Variants in MSANTD1 observed in about 807,000 individuals in gnomAD.
MSANTD1 encodes the protein myb/SANT-like DNA-binding domain-containing protein 1.
A neutral mutation model predicts 24.2 loss-of-function variants in MSANTD1; 7 were observed. The ratio of observed to expected loss-of-function variants is 0.29; its 90% CI spans 0.16 to 0.54. The LOEUF (loss-of-function observed/expected upper bound fraction) is 0.54. Among genes scored for constraint, MSANTD1 ranks in the 20% least tolerant of loss-of-function variants. MSANTD1 has a pLI of 0.94. For synonymous variants in MSANTD1, 177 were observed against 181.1 expected, an observed-to-expected ratio of 0.98 and a Z score of 0.18; for missense variants, 384 against 408.2, an observed-to-expected ratio of 0.94 and a Z score of 0.51.
intron 1 of MSANTD1, 81 bp downstream of exon 1, chr4:3,249,623 T>A: frequency 7.3e-7 from 1 of 1,369,686 alleles, no homozygotes; most frequent in Non-Finnish European, 1.0e-6. Context: ...CTTGGAGCTC[T>A]GAGTCGGGAC....
intron 2 of MSANTD1, among the ~76,000 whole-genome samples, chr4:3,255,074 G>C (rs575195285): frequency 6.6e-6 from 1 of 152,274 alleles, no homozygotes; most frequent in Non-Finnish European, 1.5e-5. Flanking sequence ...AGTTTGGTGG[G>C]TGAAGGGTGC....
At chr4:3,249,111 A>G (rs1203053590), upstream of MSANTD1, 4 of 997,712 alleles carry the variant, frequency 4.0e-6, no homozygotes, top group East Asian at 1.3e-4. Flanking sequence ...ACGTGACATC[A>G]AAATGACGTT....
rs980104297 is a variant in MSANTD1 at position 3,256,037 on chromosome 4, C to T, written c.*72C>T. 7.1e-7 allele frequency: 1 copy of T among 1,411,678 alleles called. No homozygotes were observed. The highest frequency in any genetic ancestry group is 3.1e-5 in the Admixed American group (1 of 32,748). 87.4% of individuals were successfully genotyped at this position (1,411,678 alleles called of 1,614,324 possible). On this transcript the variant is annotated 3_prime_UTR_variant, in exon 3 of 3. Coordinates refer to ENST00000438480, the MANE Select transcript of MSANTD1 (RefSeq NM_001042690.2). ...CTCAGGCCACCCAGGGCAGGCCACT[C>T]AGGCCAGGCGGGCAAGGGGGCCGCC... is the stretch of plus-strand genomic sequence containing the variant.
At chr4:3,250,686 C>T (rs928657044) in intron 1 of MSANTD1, among the ~76,000 whole-genome samples, 3 of 152,128 alleles carry the variant, frequency 2.0e-5, no homozygotes, top group Non-Finnish European at 4.4e-5. Flanking sequence ...CTGGGGCTGC[C>T]GGAGAGCCTG....
At chr4:3,247,941 C>G (rs1486328177), upstream of MSANTD1, 1 of 152,318 alleles carries the variant, frequency 6.6e-6, no homozygotes, top group Non-Finnish European at 1.5e-5. Context: ...CCTCCTCATT[C>G]CAGGCTCAGC....
Position 3,249,209 on chromosome 4 carries a change from G to A in MSANTD1, c.-14G>A, listed in dbSNP as rs1364510770. 2.3e-5 allele frequency: 32 copies of A among 1,379,930 alleles called. No homozygotes were observed. The highest frequency in any genetic ancestry group is 5.2e-5 in the South Asian group (3 of 57,994). The allele number at this position is 1,379,930 out of a possible 1,614,324, so 85.5% of individuals were successfully genotyped here. On this transcript the variant is annotated 5_prime_UTR_variant, in exon 1 of 3. Coordinates refer to ENST00000438480, the MANE Select transcript of MSANTD1 (RefSeq NM_001042690.2). Reference sequence around the variant, plus strand: ...GAGCTGCCTTCGAGCGAGCGTGAGCGGCGCCTCCCGCCCATGGTGCGTGGG... The same window carrying A: ...GAGCTGCCTTCGAGCGAGCGTGAGCAGCGCCTCCCGCCCATGGTGCGTGGG...
upstream of MSANTD1, chr4:3,248,564 A>C (rs1722108592): frequency 6.6e-6 from 1 of 152,330 alleles, no homozygotes; most frequent in East Asian, 1.9e-4. Flanking sequence ...GGCTCTGACC[A>C]ACCCGGGCTT....
chr4:3,253,069 T>G, intron 1 of MSANTD1, 138 bp from the exon 2 acceptor site: 4 of 817,152 alleles, frequency 4.9e-6, no homozygotes, highest in Non-Finnish European at 5.5e-6. Flanking sequence ...GCCTGGCCGA[T>G]TTTGCTGGGG....
upstream of MSANTD1, chr4:3,244,743 C>T (rs1425461734): frequency 6.6e-6 from 1 of 152,290 alleles, no homozygotes; most frequent in Non-Finnish European, 1.5e-5. Flanking sequence ...TCAATGTTTG[C>T]TGAGGTCCCG....
intron 1 of MSANTD1, 94 bp downstream of exon 1, chr4:3,249,636 T>C (rs1321538043): frequency 1.6e-6 from 2 of 1,273,092 alleles, no homozygotes; most frequent in African/African-American, 2.9e-5. Context: ...GTCGGGACGA[T>C]GTGTGGGTCG....
intron 1 of MSANTD1, among the ~76,000 whole-genome samples, chr4:3,251,073 C>T (rs1021860429): frequency 4.6e-5 from 7 of 152,216 alleles, no homozygotes; most frequent in African/African-American, 7.2e-5. Context: ...TGGGTTTGAG[C>T]GGCTGGCTTG....
chr4:3,246,442 A>AG, upstream of MSANTD1: 2 of 426,536 alleles, frequency 4.7e-6, no homozygotes, highest in Non-Finnish European at 8.3e-6. Context: ...GCAGGATGAG[A>AG]GTCTAGTTGG....
At chr4:3,249,875 G>A (rs949868514) in intron 1 of MSANTD1, among the ~76,000 whole-genome samples, 3 of 152,142 alleles carry the variant, frequency 2.0e-5, no homozygotes, top group South Asian at 2.1e-4. Context: ...ACTGTCCCTC[G>A]GAGGCAGCAA....
chr4:3,252,168 A>C (rs961657396), intron 1 of MSANTD1, among the ~76,000 whole-genome samples: 1 of 152,214 alleles, frequency 6.6e-6, no homozygotes, highest in Non-Finnish European at 1.5e-5. Context: ...GGGAGTGGGC[A>C]CTGGGCCTTA....
intron 1 of MSANTD1, 47 bp downstream of exon 1, chr4:3,249,589 G>T: frequency 6.5e-7 from 1 of 1,527,054 alleles, no homozygotes; most frequent in Non-Finnish European, 8.9e-7. Flanking sequence ...GCGGGCCCGG[G>T]CGTGGCGGGC....
chr4:3,252,444 G>C (rs1722255550), intron 1 of MSANTD1, among the ~76,000 whole-genome samples: 1 of 152,254 alleles, frequency 6.6e-6, no homozygotes, highest in Non-Finnish European at 1.5e-5. Context: ...GCCCACCCCA[G>C]GGCCTCTGGG....
chr4:3,247,581 T>G (rs1351130095), upstream of MSANTD1: 2 of 152,128 alleles, frequency 1.3e-5, no homozygotes, highest in Admixed American at 6.5e-5. Flanking sequence ...CTTAGTCGAG[T>G]GGAGATGCCC....
intron 1 of MSANTD1, among the ~76,000 whole-genome samples, chr4:3,251,955 C>T (rs1722243074): frequency 6.6e-6 from 1 of 152,218 alleles, no homozygotes; most frequent in Non-Finnish European, 1.5e-5. Context: ...AGCCACGTGC[C>T]ACCCTGGGCA....
At position 3,249,450 on chromosome 4, in the gene MSANTD1, G is replaced by T; in HGVS notation, c.228G>T (p.Glu76Asp). 6.2e-7 allele frequency: 1 copy of T among 1,611,362 alleles called. No homozygotes were observed. Among genetic ancestry groups the T allele is most frequent in the Admixed American group, 1.7e-5 (1 of 59,884 alleles). ...CCAAGCGCAACGCCAAGGTGTACGA[G>T]AAGATGGCCAGCAAGCTCTTCGAGA... Reference protein sequence around the residue: ...KQTKRNAKVYEKMASKLFEMT... With the variant: ...KQTKRNAKVYDKMASKLFEMT... The change falls in exon 1 of 3, where the codon GAG becomes GAT. Residue 76 changes from glutamate to aspartate, a missense_variant. By Grantham distance (45) the Glu-to-Asp change is conservative. Transcript: ENST00000438480.
Sources: gnomAD v4.1 joint callset for allele counts (sites outside exome capture counted in the v4.1 genomes callset) on GRCh38, gnomAD v4.1.1 for gene constraint, MANE v1.5 for transcripts, NCBI Gene and HGNC (gene_info 2026-07-23, HGNC 2026-07-21) for gene names.